The following SORCS1 variants were observed in gnomAD, a reference collection of about 807,000 sequenced individuals.
The protein encoded by SORCS1 is sortilin related VPS10 domain containing receptor 1.
SORCS1 carries 60 observed loss-of-function variants against 146.1 expected under a neutral mutation model. The ratio of observed to expected loss-of-function variants is 0.41; its 90% CI spans 0.33 to 0.51. The LOEUF is 0.51. SORCS1 is among the 20% of genes least tolerant of loss of function. The probability of loss-of-function intolerance (pLI) is 0.21; values close to 1 mark genes in which losing one functional copy is unlikely to be tolerated. For missense variants in SORCS1, 1,352 were observed against 1,487.6 expected (o/e 0.91, Z 1.50); for synonymous variants, 637 against 584.0 (o/e 1.09, Z -1.31).
At chr10:106,935,849 G>A (rs1363614622) in intron 2 of SORCS1, among the ~76,000 whole-genome samples, 4 of 152,160 alleles carry the variant, frequency 2.6e-5, no homozygotes, top group African/African-American at 9.7e-5. Context: ...CCTTTTTACT[G>A]TTTTGATTGT....
At chr10:107,088,995 TTAATC>T (rs1207038960) in intron 1 of SORCS1, among the ~76,000 whole-genome samples, 1 of 152,164 alleles carries the variant, frequency 6.6e-6, no homozygotes, top group Non-Finnish European at 1.5e-5. Flanking sequence ...AATAGATACA[TTAATC>T]TAATTCAAAT....
chr10:106,941,533 G>A (rs553603614), intron 2 of SORCS1, among the ~76,000 whole-genome samples: 1 of 152,216 alleles, frequency 6.6e-6, no homozygotes, highest in East Asian at 1.9e-4. Flanking sequence ...GTGTTGCCTT[G>A]GCAGAACCTA....
intron 5 of SORCS1, among the ~76,000 whole-genome samples, chr10:106,738,817 C>A (rs942345208): frequency 3.9e-5 from 6 of 152,068 alleles, no homozygotes; most frequent in Non-Finnish European, 8.8e-5. Flanking sequence ...CAAAGCCAGA[C>A]CCCATCTCTA....
At chr10:107,054,065 G>A (rs1960374986) in intron 1 of SORCS1, among the ~76,000 whole-genome samples, 1 of 152,140 alleles carries the variant, frequency 6.6e-6, no homozygotes, top group Non-Finnish European at 1.5e-5. Flanking sequence ...ATTTTTAAAA[G>A]CTCTCCAGGT....
intron 3 of SORCS1, among the ~76,000 whole-genome samples, chr10:106,815,772 A>G (rs747380660): frequency 1.3e-5 from 2 of 152,238 alleles, no homozygotes; most frequent in Non-Finnish European, 2.9e-5. Context: ...GAAGGGAAAT[A>G]TAACTGCAGA....
At chr10:106,646,714 A>T (rs2133719506) in intron 18 of SORCS1, among the ~76,000 whole-genome samples, 1 of 152,034 alleles carries the variant, frequency 6.6e-6, no homozygotes, top group Non-Finnish European at 1.5e-5. Context: ...AAATACATAA[A>T]TGTTAGTATT....
At chr10:106,862,219 C>G (rs1258433168) in intron 2 of SORCS1, among the ~76,000 whole-genome samples, 1 of 152,112 alleles carries the variant, frequency 6.6e-6, no homozygotes, top group South Asian at 2.1e-4. Context: ...TAAATATCAT[C>G]CCCAAATCAC....
chr10:106,596,200 A>T (rs1434053639), intron 24 of SORCS1, among the ~76,000 whole-genome samples: 1 of 152,082 alleles, frequency 6.6e-6, no homozygotes, highest in South Asian at 2.1e-4. Flanking sequence ...CAGTTTGCTC[A>T]CTGACTACTC....
chr10:106,793,481 G>T (rs1428535353), intron 3 of SORCS1, among the ~76,000 whole-genome samples: 5 of 152,156 alleles, frequency 3.3e-5, no homozygotes, highest in African/African-American at 9.7e-5. Context: ...ACAGAATCAA[G>T]ATTTTTAAGC....
intron 2 of SORCS1, among the ~76,000 whole-genome samples, chr10:106,928,678 C>A (rs1340507216): frequency 6.6e-6 from 1 of 152,178 alleles, no homozygotes; most frequent in African/African-American, 2.4e-5. Context: ...AGAAGCAAAG[C>A]CACATGTGAG....
At chr10:106,862,952 A>G (rs1402856252) in intron 2 of SORCS1, among the ~76,000 whole-genome samples, 1 of 152,222 alleles carries the variant, frequency 6.6e-6, no homozygotes, top group Admixed American at 6.5e-5. Context: ...TACATTGTCA[A>G]ATATGCAAAG....
intron 1 of SORCS1, among the ~76,000 whole-genome samples, chr10:107,036,287 ATAATT>A (rs1958902651): frequency 6.6e-6 from 1 of 152,234 alleles, no homozygotes; most frequent in Admixed American, 6.5e-5. Context: ...TAATCTACAG[ATAATT>A]TAATGTAATG....
chr10:106,974,850 G>T (rs899749887), intron 1 of SORCS1, among the ~76,000 whole-genome samples: 1 of 152,162 alleles, frequency 6.6e-6, no homozygotes, highest in African/African-American at 2.4e-5. Flanking sequence ...GTTAAGGGCG[G>T]AAACAAAACA....
intron 1 of SORCS1, among the ~76,000 whole-genome samples, chr10:106,957,213 G>A (rs534516491): frequency 3.1e-4 from 41 of 133,416 alleles, no homozygotes; most frequent in Admixed American, 6.1e-4. Context: ...CGCTCGTGTT[G>A]CCCATACTGG....
At chr10:106,931,404 A>C (rs544362675) in intron 2 of SORCS1, among the ~76,000 whole-genome samples, 1 of 152,362 alleles carries the variant, frequency 6.6e-6, no homozygotes, top group Non-Finnish European at 1.5e-5. Context: ...AACAACTGCA[A>C]GAGCAGAATC....
intron 2 of SORCS1, among the ~76,000 whole-genome samples, chr10:106,863,580 A>G (rs1950106439): frequency 6.6e-6 from 1 of 151,378 alleles, no homozygotes; most frequent in African/African-American, 2.4e-5. Flanking sequence ...CTCATGAAAT[A>G]GAGATGATTT....
intron 1 of SORCS1, among the ~76,000 whole-genome samples, chr10:107,132,588 C>A (rs1018494376): frequency 6.6e-6 from 1 of 152,152 alleles, no homozygotes; most frequent in African/African-American, 2.4e-5. Context: ...AAGTTTATCT[C>A]CGTACTGTCA....
chr10:107,127,990 T>C (rs1424692987), intron 1 of SORCS1, among the ~76,000 whole-genome samples: 1 of 152,222 alleles, frequency 6.6e-6, no homozygotes. Flanking sequence ...ATTTCACAGA[T>C]AGAATACAAG....
chr10:107,066,031 C>A (rs1961817186), intron 1 of SORCS1, among the ~76,000 whole-genome samples: 2 of 152,154 alleles, frequency 1.3e-5, no homozygotes, highest in Admixed American at 6.5e-5. Flanking sequence ...TCTAAACCTT[C>A]ATAAAGTAAG....
Sources: gnomAD v4.1 joint callset for allele counts (sites outside exome capture counted in the v4.1 genomes callset) on GRCh38, gnomAD v4.1.1 for gene constraint, MANE v1.5 for transcripts, NCBI Gene and HGNC (gene_info 2026-07-23, HGNC 2026-07-21) for gene names.